Variants in LIMCH1 observed in about 807,000 individuals in gnomAD.
The protein encoded by LIMCH1 is LIM and calponin homology domains-containing protein 1.
LIMCH1 carries 113 observed loss-of-function variants against 176.5 expected under a neutral mutation model. The observed-to-expected ratio is 0.64, with a 90% CI of 0.55 to 0.75. The LOEUF (loss-of-function observed/expected upper bound fraction) is 0.75. LIMCH1 is among the 30% of genes least tolerant of loss of function. The probability of loss-of-function intolerance (pLI) is 0.00; values close to 1 mark genes in which losing one functional copy is unlikely to be tolerated. For missense variants in LIMCH1, 1,674 were observed against 1,814.9 expected (o/e 0.92, Z 1.41); for synonymous variants, 619 against 645.9 (o/e 0.96, Z 0.63).
chr4:41,633,892 G>A, intron 13 of LIMCH1, 84 bp downstream of exon 13: 2 of 1,393,390 alleles, frequency 1.4e-6, no homozygotes, highest in African/African-American at 1.5e-5. Context: ...TGGCACCTCA[G>A]TGCCGCTTAC....
At chr4:41,502,964 C>T (rs1366418287) in intron 2 of LIMCH1, among the ~76,000 whole-genome samples, 1 of 150,896 alleles carries the variant, frequency 6.6e-6, no homozygotes, top group African/African-American at 2.4e-5. Flanking sequence ...AACTATATAA[C>T]CATGCTTGAA....
At chr4:41,531,355 G>GAAA (rs1048636771) in intron 3 of LIMCH1, among the ~76,000 whole-genome samples, 14 of 151,720 alleles carry the variant, frequency 9.2e-5, no homozygotes, top group African/African-American at 3.2e-4. Flanking sequence ...GTGATCATAG[G>GAAA]AAAGCATTAG....
intron 4 of LIMCH1, among the ~76,000 whole-genome samples, chr4:41,610,894 G>A (rs1466764589): frequency 2.0e-5 from 3 of 152,168 alleles, no homozygotes; most frequent in African/African-American, 7.2e-5. Flanking sequence ...TAAAATTCAA[G>A]TTGAATATCC....
intron 1 of LIMCH1, among the ~76,000 whole-genome samples, chr4:41,485,295 T>G (rs1039924705): frequency 3.9e-5 from 6 of 152,220 alleles, no homozygotes; most frequent in Non-Finnish European, 8.8e-5. Flanking sequence ...GATGACACAT[T>G]AAAATCTCCT....
chr4:41,455,850 CTT>C (rs1466799426), intron 1 of LIMCH1, among the ~76,000 whole-genome samples: 2 of 152,140 alleles, frequency 1.3e-5, no homozygotes, highest in Non-Finnish European at 2.9e-5. Context: ...AAGAAAGACT[CTT>C]CGACCTCAGA....
chr4:41,687,376 T>C (rs1721700227), intron 28 of LIMCH1, among the ~76,000 whole-genome samples: 1 of 152,150 alleles, frequency 6.6e-6, no homozygotes, highest in Admixed American at 6.5e-5. Flanking sequence ...TCACTGAAAA[T>C]AGCTCCTTTA....
intron 1 of LIMCH1, among the ~76,000 whole-genome samples, chr4:41,399,311 G>T (rs2058124600): frequency 6.6e-6 from 1 of 152,056 alleles, no homozygotes; most frequent in African/African-American, 2.4e-5. Flanking sequence ...AAACCCATAA[G>T]AATAGAGAGG....
intron 2 of LIMCH1, chr4:41,494,654 A>G (rs752968597): frequency 3.3e-6 from 4 of 1,202,682 alleles, no homozygotes; most frequent in Non-Finnish European, 4.8e-6. Flanking sequence ...AACATCATTA[A>G]TACTATCCAG....
In LIMCH1 at chr4:41,626,796, G is replaced by T. The variant is rs1412206149; in HGVS notation, c.814G>T (p.Asp272Tyr). ...NSFLTHQHGN[D>Y]SEAEGEVVCR... is the part of the protein sequence containing the mutation. ...TTTCCTGACCCACCAACATGGCAAC[G>T]ATTCAGAGGCAGAAGGTGAAGTTGT... Residue 272 changes from aspartate (D) to tyrosine (Y), a missense_variant, in exon 8 of 32, where the codon GAT becomes TAT. Asp to Tyr is a radical substitution (Grantham distance 160). Transcript: ENST00000503057. The T allele has an allele frequency of 1.3e-6, 2 of 1,536,362 alleles. No homozygotes were observed. The highest frequency in any genetic ancestry group is 2.4e-5 in the South Asian group (2 of 84,054).
chr4:41,693,570 T>C (rs1008306391), intron 31 of LIMCH1, among the ~76,000 whole-genome samples: 2 of 150,026 alleles, frequency 1.3e-5, no homozygotes, highest in Non-Finnish European at 3.0e-5. Flanking sequence ...TTAAATTATA[T>C]AAATAGTATA....
chr4:41,639,154 A>G (rs1054470668), intron 14 of LIMCH1, among the ~76,000 whole-genome samples, 187 bp downstream of exon 14: 4 of 152,214 alleles, frequency 2.6e-5, no homozygotes, highest in South Asian at 2.1e-4. Flanking sequence ...TGAAAAAGCA[A>G]CTTAAGCATG....
intron 7 of LIMCH1, among the ~76,000 whole-genome samples, chr4:41,625,315 A>G (rs1292253801): frequency 6.6e-6 from 1 of 152,236 alleles, no homozygotes; most frequent in African/African-American, 2.4e-5. Flanking sequence ...CAAGTTTCAC[A>G]AAAGACTGTC....
intron 1 of LIMCH1, among the ~76,000 whole-genome samples, chr4:41,407,661 C>T (rs1234707111): frequency 3.9e-5 from 6 of 152,162 alleles, no homozygotes; most frequent in South Asian, 2.1e-4. Flanking sequence ...AAAAATATAT[C>T]GAAACAAGAT....
At chr4:41,675,294 G>A (rs1044382946) in intron 22 of LIMCH1, among the ~76,000 whole-genome samples, 2 of 151,026 alleles carry the variant, frequency 1.3e-5, no homozygotes, top group African/African-American at 2.4e-5. Flanking sequence ...GCCAGGCAGA[G>A]TGGGAGGTGG....
chr4:41,418,324 T>TA (rs1208952962), intron 1 of LIMCH1, among the ~76,000 whole-genome samples: 1 of 152,226 alleles, frequency 6.6e-6, no homozygotes, highest in East Asian at 1.9e-4. Context: ...AAATTTTAAT[T>TA]ACATCTGCGT....
At position 41,661,992 on chromosome 4, in the gene LIMCH1, C is replaced by T. The variant is rs1363476488; in HGVS notation, c.3127+482C>T. 6 of 321,404 alleles carry T rather than the reference C, an allele frequency of 1.9e-5. 1 individual carries two copies. Among genetic ancestry groups the T allele is most frequent in the South Asian group, 7.9e-5 (3 of 38,122 alleles). 19.9% of individuals were successfully genotyped at this position (321,404 alleles called of 1,614,324 possible). A position where few individuals can be genotyped will look rare whatever the true frequency, so the allele number is the denominator to read the frequency against. ...TGTTTTAGGAAGAAGACCCTGTTCCCGAAAGTCTTGTTCCTCAATATTTTT... is the reference window on the plus strand; with the variant it reads ...TGTTTTAGGAAGAAGACCCTGTTCCTGAAAGTCTTGTTCCTCAATATTTTT... On this transcript the variant is annotated intron_variant, in intron 19 of 31. Coordinates refer to ENST00000503057, the MANE Select transcript of LIMCH1 (RefSeq NM_001330672.2).
At chr4:41,667,968 CA>C (rs11315408) in intron 21 of LIMCH1, among the ~76,000 whole-genome samples, 49,926 of 140,088 alleles carry the variant, frequency 0.36, 9,131 homozygotes, top group African/African-American at 0.51. Flanking sequence ...TTGTCGCTAC[CA>C]AAAAAAAAAA....
chr4:41,650,410 T>C lies in LIMCH1; in HGVS notation c.2838T>C (p.Ser946=), dbSNP rs1459872380. ...TTTTATAGGTAGACGGGAAAGTCAG[T>C]GTGAATGGAGAGACGGTTCATAGAG... ...LKTFKVDGKV[S]VNGETVHREE... Residue 946 remains serine, a synonymous_variant, in exon 18 of 32, where the codon AGT becomes AGC. Transcript: ENST00000503057. The C allele has an allele frequency of 4.3e-6, 7 of 1,613,806 alleles. No individual in the cohort carries two copies. The Admixed American group carries it at 8.3e-5, about 19-fold the overall frequency.
intron 1 of LIMCH1, among the ~76,000 whole-genome samples, chr4:41,562,750 G>T (rs1225884431): frequency 6.6e-6 from 1 of 152,128 alleles, no homozygotes; most frequent in African/African-American, 2.4e-5. Context: ...CTTCTGTAGG[G>T]CTAAGGATTT....
Sources: gnomAD v4.1 joint callset for allele counts (sites outside exome capture counted in the v4.1 genomes callset) on GRCh38, gnomAD v4.1.1 for gene constraint, MANE v1.5 for transcripts, NCBI Gene and HGNC (gene_info 2026-07-23, HGNC 2026-07-21) for gene names.